GLIS1: variants seen among roughly 807,000 people sequenced by gnomAD.
The protein encoded by GLIS1 is zinc finger protein GLIS1.
A neutral mutation model predicts 63.8 loss-of-function variants in GLIS1; 24 were observed. The observed-to-expected ratio is 0.38, with a 90% CI of 0.27 to 0.53. GLIS1 has a LOEUF of 0.53. Among genes scored for constraint, GLIS1 ranks in the 20% least tolerant of loss-of-function variants. The pLI is 0.85. For synonymous variants in GLIS1, 450 were observed against 482.5 expected (o/e 0.93, Z 0.88); for missense variants, 1,036 against 1,074.1 (o/e 0.96, Z 0.50).
At chr1:53,683,320 C>T (rs1457854077) in intron 2 of GLIS1, among the ~76,000 whole-genome samples, 2 of 141,238 alleles carry the variant, frequency 1.4e-5, no homozygotes, top group African/African-American at 2.7e-5. Flanking sequence ...TGATTATAAC[C>T]GCAGGCAGGC....
intron 4 of GLIS1, among the ~76,000 whole-genome samples, chr1:53,588,634 C>A (rs1645159813): frequency 6.6e-6 from 1 of 152,320 alleles, no homozygotes; most frequent in Admixed American, 6.5e-5. Flanking sequence ...GTGTGCTGGC[C>A]TTAAAATGCT....
chr1:53,708,133 A>G (rs552444928), intron 2 of GLIS1, among the ~76,000 whole-genome samples: 50 of 152,136 alleles, frequency 3.3e-4, no homozygotes, highest in African/African-American at 1.2e-3. Context: ...ATACAAAAAA[A>G]TTAGCTGGGC....
intron 2 of GLIS1, among the ~76,000 whole-genome samples, chr1:53,636,314 T>G (rs574051719): frequency 6.6e-6 from 1 of 152,226 alleles, no homozygotes; most frequent in South Asian, 2.1e-4. Flanking sequence ...TTAACGCTAT[T>G]CACCACATTA....
At chr1:53,666,234 C>A (rs967514939) in intron 2 of GLIS1, among the ~76,000 whole-genome samples, 6 of 152,216 alleles carry the variant, frequency 3.9e-5, no homozygotes, top group Non-Finnish European at 8.8e-5. Context: ...AGGGCTAGTG[C>A]TTCACAAACA....
At chr1:53,651,446 A>C (rs1440216328) in intron 2 of GLIS1, among the ~76,000 whole-genome samples, 1 of 152,218 alleles carries the variant, frequency 6.6e-6, no homozygotes, top group Non-Finnish European at 1.5e-5. Context: ...GTTCTTCTGA[A>C]ACACAAACCA....
At chr1:53,645,239 T>C (rs1021501884) in intron 2 of GLIS1, among the ~76,000 whole-genome samples, 11 of 152,134 alleles carry the variant, frequency 7.2e-5, no homozygotes, top group African/African-American at 2.2e-4. Context: ...GCATGAACAT[T>C]GGGGCCTTTC....
At chr1:53,546,351 G>C (rs980752397) in intron 4 of GLIS1, among the ~76,000 whole-genome samples, 2 of 152,222 alleles carry the variant, frequency 1.3e-5, no homozygotes, top group Admixed American at 1.3e-4. Context: ...GGGGAGGAGC[G>C]AGTGCTCCCT....
chr1:53,738,761 G>T (rs1271926706), intron 1 of GLIS1, among the ~76,000 whole-genome samples: 1 of 152,174 alleles, frequency 6.6e-6, no homozygotes, highest in African/African-American at 2.4e-5. Flanking sequence ...CCCGTCGCGC[G>T]CGCAAACCGG....
At chr1:53,687,396 G>C (rs982411692) in intron 2 of GLIS1, among the ~76,000 whole-genome samples, 1 of 152,198 alleles carries the variant, frequency 6.6e-6, no homozygotes, top group African/African-American at 2.4e-5. Context: ...TTTACTCCCA[G>C]TCATTCCAAG....
intron 2 of GLIS1, among the ~76,000 whole-genome samples, chr1:53,727,869 G>A (rs1646820790): frequency 6.6e-6 from 1 of 152,180 alleles, no homozygotes; most frequent in Admixed American, 6.5e-5. Flanking sequence ...GCATTTACTG[G>A]CATCTCAGCA....
intron 2 of GLIS1, among the ~76,000 whole-genome samples, chr1:53,635,067 T>G (rs1466623319): frequency 4.6e-5 from 7 of 152,104 alleles, no homozygotes; most frequent in Admixed American, 3.9e-4. Flanking sequence ...TGTTGTTTTT[T>G]TTTTAATTCT....
intron 2 of GLIS1, among the ~76,000 whole-genome samples, chr1:53,607,362 C>T (rs1645381698): frequency 6.6e-6 from 1 of 152,212 alleles, no homozygotes; most frequent in Non-Finnish European, 1.5e-5. Flanking sequence ...TCTTGACCTC[C>T]TGGCCTCATG....
intron 2 of GLIS1, among the ~76,000 whole-genome samples, chr1:53,645,082 ACCGGCCTCCT>A (rs1161713550): frequency 6.6e-6 from 1 of 152,222 alleles, no homozygotes; most frequent in African/African-American, 2.4e-5. Context: ...CGCCAGCCAC[ACCGGCCTCCT>A]GGCTATTCCG....
At chr1:53,724,854 G>A (rs1311764966) in intron 2 of GLIS1, among the ~76,000 whole-genome samples, 1 of 152,110 alleles carries the variant, frequency 6.6e-6, no homozygotes, top group Non-Finnish European at 1.5e-5. Flanking sequence ...TTAAAAAGAT[G>A]ATTGGTCCAG....
intron 2 of GLIS1, among the ~76,000 whole-genome samples, chr1:53,712,098 G>A (rs745826222): frequency 6.6e-6 from 1 of 152,130 alleles, no homozygotes; most frequent in Non-Finnish European, 1.5e-5. Context: ...TTTGATTTGA[G>A]TCCAGTTTTC....
intron 4 of GLIS1, among the ~76,000 whole-genome samples, chr1:53,568,964 T>C (rs1569843394): frequency 6.6e-6 from 1 of 152,232 alleles, no homozygotes; most frequent in Admixed American, 6.5e-5. Context: ...CAATGGAATA[T>C]TATTCAGTAG....
Position 53,738,171 on chromosome 1 carries a change from C to A in GLIS1, c.-42-65G>T, listed in dbSNP as rs115949266. The A allele has an allele frequency of 2.6e-3, 2,568 of 1,000,576 alleles. 41 individuals are homozygous for A. In the African/African-American group the frequency reaches 0.039, roughly 15 times the overall value. The allele number at this position is 1,000,576 out of a possible 1,614,324, so 62.0% of individuals were successfully genotyped here. ...AGCGGCCCCCGTATTGTCCCGGGGC[C>A]GAGTTTGAGCAGGTCACTGCCCCTT... On this transcript the variant is annotated intron_variant, in intron 1 of 10. Transcript: ENST00000628545.
intron 4 of GLIS1, among the ~76,000 whole-genome samples, chr1:53,573,621 C>T (rs918021539): frequency 6.6e-6 from 1 of 152,236 alleles, no homozygotes; most frequent in Non-Finnish European, 1.5e-5. Context: ...ACACGTTCAA[C>T]CATACAAATG....
chr1:53,601,127 T>C lies in GLIS1; in HGVS notation c.260-849A>G, dbSNP rs79809432. ...GAGCAAAGCTAGGGAGGAAAGGACA[T>C]GAATTTTGGGGGCTGACAGACCTCG... On this transcript the variant is annotated intron_variant, in intron 2 of 10. Coordinates refer to ENST00000628545, the MANE Select transcript of GLIS1 (RefSeq NM_001367484.1). 7.7e-3 allele frequency among the ~76,000 whole-genome samples: 1,180 copies of C among 152,314 alleles called. 24 individuals carry two copies. Among genetic ancestry groups the C allele is most frequent in the African/African-American group, 0.028 (1,147 of 41,568 alleles).
Sources: gnomAD v4.1 joint callset for allele counts (sites outside exome capture counted in the v4.1 genomes callset) on GRCh38, gnomAD v4.1.1 for gene constraint, MANE v1.5 for transcripts, NCBI Gene and HGNC (gene_info 2026-07-23, HGNC 2026-07-21) for gene names.